Variants in RAD51B observed in about 807,000 individuals in gnomAD.
The protein encoded by RAD51B is DNA repair protein RAD51 homolog 2.
RAD51B carries 38 observed loss-of-function variants against 42.2 expected under a neutral mutation model. The observed-to-expected ratio is 0.90, with a 90% CI of 0.70 to 1.18. The LOEUF is 1.18. RAD51B is among the 50% of genes most tolerant of loss of function. The probability of loss-of-function intolerance (pLI) is 0.00; values close to 1 mark genes in which losing one functional copy is unlikely to be tolerated. For missense variants in RAD51B, 373 were observed against 400.7 expected (o/e 0.93, Z 0.59); for synonymous variants, 154 against 145.2 (o/e 1.06, Z -0.43).
At chr14:68,160,790 C>T (rs2078621699) in intron 7 of RAD51B, among the ~76,000 whole-genome samples, 1 of 152,094 alleles carries the variant, frequency 6.6e-6, no homozygotes, top group African/African-American at 2.4e-5. Flanking sequence ...CCTATGGAAC[C>T]TTTATAAGCA....
intron 7 of RAD51B, among the ~76,000 whole-genome samples, chr14:68,143,429 A>G (rs2078177904): frequency 6.6e-6 from 1 of 152,226 alleles, no homozygotes; most frequent in South Asian, 2.1e-4. Context: ...GAAAATACAA[A>G]TGGGCCAGCG....
intron 8 of RAD51B, among the ~76,000 whole-genome samples, chr14:68,391,182 C>CTTT (rs765612608): frequency 5.1e-4 from 62 of 121,474 alleles, no homozygotes; most frequent in African/African-American, 2.0e-3. Context: ...TTCTTTCTTT[C>CTTT]TTCTTTCCTT....
chr14:68,600,261 G>T (rs1891163281), downstream of RAD51B, among the ~76,000 whole-genome samples: 1 of 152,234 alleles, frequency 6.6e-6, no homozygotes, highest in South Asian at 2.1e-4. Context: ...ATACAATGCT[G>T]TTTGGGATGT....
chr14:67,841,073 T>TGC, intron 4 of RAD51B, among the ~76,000 whole-genome samples: 1 of 152,354 alleles, frequency 6.6e-6, no homozygotes, highest in Middle Eastern at 3.4e-3. Context: ...TTGCTGAGAT[T>TGC]ATAGGCATGA....
intron 10 of RAD51B, among the ~76,000 whole-genome samples, chr14:68,556,833 G>A (rs545198289): frequency 6.0e-4 from 92 of 152,188 alleles, no homozygotes; most frequent in African/African-American, 2.0e-3. Flanking sequence ...AGAGGATGGC[G>A]CCTGCATACC....
intron 10 of RAD51B, among the ~76,000 whole-genome samples, chr14:68,578,138 C>A (rs532178283): frequency 6.6e-6 from 1 of 152,350 alleles, no homozygotes; most frequent in South Asian, 2.1e-4. Flanking sequence ...AGATAAAGAA[C>A]GTAATGGCTG....
chr14:67,994,199 C>T (rs2075344705), intron 7 of RAD51B, among the ~76,000 whole-genome samples: 1 of 151,328 alleles, frequency 6.6e-6, no homozygotes, highest in Non-Finnish European at 1.5e-5. Context: ...TGTTAAGGGG[C>T]CCAAAAATAT....
intron 10 of RAD51B, chr14:68,497,619 T>G: frequency 2.6e-5 from 20 of 763,754 alleles, no homozygotes; most frequent in Non-Finnish European, 3.0e-5. Context: ...CCAGCATCTC[T>G]GTCTAGTTCC....
In RAD51B at chr14:68,676,941, G is replaced by T. The variant is rs1206564276; in HGVS notation, c.*11+26085G>T. Among the ~76,000 whole-genome samples the T allele has an allele frequency of 3.3e-5, 5 of 152,210 alleles. No homozygotes were observed. The South Asian group carries it at 1.0e-3, about 31-fold the overall frequency. On this transcript the variant is annotated intron_variant, in intron 11 of 11. Transcript: ENST00000488612. ...AGCGCCACACTAGGCTGGGCGGGGG[G>T]CCTGCTGAAGTGACTGGTCCTTGGA...
chr14:67,932,724 C>G (rs1361105542), intron 7 of RAD51B, among the ~76,000 whole-genome samples: 5 of 152,118 alleles, frequency 3.3e-5, no homozygotes, highest in Non-Finnish European at 7.4e-5. Context: ...CTATCCACAG[C>G]CCCAGACACA....
chr14:68,136,503 G>A (rs1373259886), intron 7 of RAD51B, among the ~76,000 whole-genome samples: 3 of 56,028 alleles, frequency 5.4e-5, no homozygotes, highest in African/African-American at 1.1e-4. Context: ...GCTTGAACCC[G>A]GGAGGCAGAG....
chr14:68,197,149 C>A (rs2079389461), intron 7 of RAD51B, among the ~76,000 whole-genome samples: 1 of 152,038 alleles, frequency 6.6e-6, no homozygotes, highest in African/African-American at 2.4e-5. Flanking sequence ...CTTAAGTGGA[C>A]AATTCAATGA....
chr14:68,098,131 T>A (rs2077226464), intron 7 of RAD51B, among the ~76,000 whole-genome samples: 1 of 152,236 alleles, frequency 6.6e-6, no homozygotes, highest in Non-Finnish European at 1.5e-5. Flanking sequence ...CTAGGGGCTT[T>A]CTCTTAATCA....
At chr14:67,947,517 C>T (rs1050405403) in intron 7 of RAD51B, among the ~76,000 whole-genome samples, 4 of 152,182 alleles carry the variant, frequency 2.6e-5, no homozygotes, top group African/African-American at 9.7e-5. Context: ...TTGTTGTCAT[C>T]TGTCTATGTT....
intron 4 of RAD51B, among the ~76,000 whole-genome samples, chr14:67,849,123 A>G (rs185474900): frequency 6.6e-6 from 1 of 152,092 alleles, no homozygotes; most frequent in South Asian, 2.1e-4. Flanking sequence ...ATATTAGGGA[A>G]ATTTTCTTGA....
chr14:68,141,619 A>C (rs2078130335), intron 7 of RAD51B, among the ~76,000 whole-genome samples: 1 of 152,184 alleles, frequency 6.6e-6, no homozygotes, highest in African/African-American at 2.4e-5. Context: ...TGGGTATTAC[A>C]TTAACATTAT....
intron 8 of RAD51B, among the ~76,000 whole-genome samples, chr14:68,407,023 C>A (rs2084294866): frequency 2.0e-5 from 3 of 152,150 alleles, no homozygotes; most frequent in African/African-American, 7.2e-5. Flanking sequence ...ACAATGCCTT[C>A]TTCTGCAATA....
At chr14:68,010,522 A>G (rs973935443) in intron 7 of RAD51B, among the ~76,000 whole-genome samples, 4 of 151,810 alleles carry the variant, frequency 2.6e-5, no homozygotes, top group Non-Finnish European at 5.9e-5. Flanking sequence ...TTTCTAATAC[A>G]AATATATAAG....
At chr14:68,216,192 C>G (rs985794081) in intron 7 of RAD51B, among the ~76,000 whole-genome samples, 3 of 152,224 alleles carry the variant, frequency 2.0e-5, no homozygotes, top group African/African-American at 7.2e-5. Context: ...GAAATCCCAG[C>G]TTAGTCTCTT....
Sources: gnomAD v4.1 joint callset for allele counts (sites outside exome capture counted in the v4.1 genomes callset) on GRCh38, gnomAD v4.1.1 for gene constraint, MANE v1.5 for transcripts, NCBI Gene and HGNC (gene_info 2026-07-23, HGNC 2026-07-21) for gene names.